Variants in AFDN observed in about 807,000 individuals in gnomAD.
AFDN encodes the protein afadin, adherens junction formation factor, also known as afadin.
In AFDN, 68 loss-of-function variants were observed where a neutral mutation model predicts 216.6. The observed-to-expected ratio is 0.31, with a 90% confidence interval of 0.26 to 0.38. AFDN has a LOEUF of 0.38. Among genes scored for constraint, AFDN ranks in the 10% least tolerant of loss-of-function variants. The probability of loss-of-function intolerance (pLI) is 1.00; values close to 1 mark genes in which losing one functional copy is unlikely to be tolerated. For synonymous variants in AFDN, 868 were observed against 853.7 expected (o/e 1.02, Z -0.29); for missense variants, 2,136 against 2,342.0 (o/e 0.91, Z 1.82).
chr6:167,919,426 G>T (rs2128487621), intron 21 of AFDN, among the ~76,000 whole-genome samples: 1 of 152,358 alleles, frequency 6.6e-6, no homozygotes, highest in Middle Eastern at 3.4e-3. Flanking sequence ...TTTCTTTTCA[G>T]TGAAATGGGC....
intron 1 of AFDN, among the ~76,000 whole-genome samples, chr6:167,855,378 A>G (rs955469982): frequency 6.6e-6 from 1 of 152,142 alleles, no homozygotes; most frequent in African/African-American, 2.4e-5. Context: ...TTTAAAAATT[A>G]TATATCAGAA....
intron 30 of AFDN, among the ~76,000 whole-genome samples, chr6:167,953,897 A>G (rs1796252351): frequency 6.6e-6 from 1 of 152,228 alleles, no homozygotes; most frequent in African/African-American, 2.4e-5. Flanking sequence ...TCAACTCTGA[A>G]TATACAACTG....
intron 11 of AFDN, among the ~76,000 whole-genome samples, chr6:167,899,043 A>C (rs1387526103): frequency 1.3e-5 from 2 of 152,148 alleles, no homozygotes. Flanking sequence ...TCTATTTTTC[A>C]TGCTGCTTAA....
intron 31 of AFDN, chr6:167,964,976 C>T (rs182035824): frequency 1.3e-3 from 1,401 of 1,052,202 alleles, no homozygotes; most frequent in Non-Finnish European, 1.5e-3. Context: ...AGATGTATGT[C>T]AGAAAAAAAT....
intron 1 of AFDN, among the ~76,000 whole-genome samples, chr6:167,842,266 A>G (rs554392019): frequency 1.3e-5 from 2 of 151,824 alleles, no homozygotes; most frequent in South Asian, 4.2e-4. Context: ...TTTTCTTGGT[A>G]ATGATACTAG....
Position 167,951,184 on chromosome 6 carries a change from A to G in AFDN, c.3832-2A>G. 6.6e-7 allele frequency: 1 copy of G among 1,524,468 alleles called. No homozygotes were observed. The highest frequency in any genetic ancestry group is 8.8e-7 in the Non-Finnish European group (1 of 1,137,568). The allele number at this position is 1,524,468 out of a possible 1,614,324, so 94.4% of individuals were successfully genotyped here. ...ATATAATAATTCTTTTTCTTTTTGC[A>G]GCGTGTTACACGTTCCCAAGAAGAA... On this transcript the variant is annotated splice_acceptor_variant, in intron 29 of 33. Transcript: ENST00000683244. LOFTEE classifies it high-confidence loss of function. The surrounding 1 kb of genome is among the most constrained non-coding windows in gnomAD (Gnocchi z 7.1).
At chr6:167,917,003 T>C (rs995973078) in intron 19 of AFDN, 86 bp from the exon 20 acceptor site, 62 of 1,237,284 alleles carry the variant, frequency 5.0e-5, no homozygotes, top group Non-Finnish European at 6.9e-5. Flanking sequence ...TAGCAAGTTA[T>C]ATTTTTATAA....
chr6:167,866,062 T>A (rs1005305093), intron 2 of AFDN, among the ~76,000 whole-genome samples: 7 of 152,200 alleles, frequency 4.6e-5, no homozygotes, highest in Non-Finnish European at 8.8e-5. Flanking sequence ...TTCCTTTACC[T>A]TAGAATTTTT....
intron 1 of AFDN, among the ~76,000 whole-genome samples, chr6:167,845,309 AAT>A (rs1781538488): frequency 6.6e-6 from 1 of 152,158 alleles, no homozygotes; most frequent in South Asian, 2.1e-4. Context: ...TGTGTTTATA[AAT>A]AGTTTTTCCT....
At chr6:167,835,476 G>A (rs1420276246) in intron 1 of AFDN, among the ~76,000 whole-genome samples, 1 of 152,188 alleles carries the variant, frequency 6.6e-6, no homozygotes, top group Non-Finnish European at 1.5e-5. Flanking sequence ...GCTGTGGTAT[G>A]CAGAAGGGCT....
chr6:167,946,647 A>G, intron 26 of AFDN, 60 bp from the exon 27 acceptor site: 1 of 1,415,080 alleles, frequency 7.1e-7, no homozygotes, highest in Non-Finnish European at 9.9e-7. Flanking sequence ...TGGAATTTTA[A>G]TGATAATCAG....
At position 167,902,396 on chromosome 6, in the gene AFDN, T is replaced by TA. The variant is rs1789098074; in HGVS notation, c.1650+11dup. 6.3e-7 allele frequency: 1 copy of TA among 1,593,344 alleles called. No homozygotes were observed. Among genetic ancestry groups the TA allele is most frequent in the South Asian group, 1.1e-5 (1 of 90,614 alleles). On this transcript the variant is annotated intron_variant, in intron 12 of 33. Transcript: ENST00000683244. Reference sequence around the variant, plus strand: ...ATTACCGACAAGCAAGGTAGGTAATTATGGATTACCTGATAGAAGTGTGCT... The same window carrying TA: ...ATTACCGACAAGCAAGGTAGGTAATTAATGGATTACCTGATAGAAGTGTGCT...
chr6:167,910,162 G>A (rs1187105256), intron 13 of AFDN, among the ~76,000 whole-genome samples: 1 of 152,196 alleles, frequency 6.6e-6, no homozygotes, highest in Non-Finnish European at 1.5e-5. Flanking sequence ...TAAAGAGTCT[G>A]TGCCTAGCAA....
intron 29 of AFDN, among the ~76,000 whole-genome samples, chr6:167,950,046 G>A (rs1010765835): frequency 6.6e-6 from 1 of 152,168 alleles, no homozygotes; most frequent in African/African-American, 2.4e-5. Context: ...GCGGCGGTAG[G>A]CACAGTCTCT....
intron 15 of AFDN, chr6:167,911,785 T>C (rs1362849988): frequency 2.5e-6 from 1 of 396,518 alleles, no homozygotes; most frequent in Non-Finnish European, 4.7e-6. Context: ...TGTAAATAAT[T>C]TGTTGAGATG....
rs111610002 is a variant in AFDN, at chr6:167,947,381, A to C, written c.3554-472A>C. Among the ~76,000 whole-genome samples the C allele has an allele frequency of 5.9e-5, 9 of 152,064 alleles. No homozygotes were observed. The East Asian group carries it at 1.2e-3, about 20-fold the overall frequency. ...TTTTTAGTAGAGACGGGGTTTCACCATGTTAGCCAGGATGGTCTCGATCTC... is the reference window on the plus strand; with the variant it reads ...TTTTTAGTAGAGACGGGGTTTCACCCTGTTAGCCAGGATGGTCTCGATCTC... On this transcript the variant is annotated intron_variant, in intron 27 of 33. Coordinates refer to ENST00000683244, the MANE Select transcript of AFDN (RefSeq NM_001386888.1).
intron 30 of AFDN, 90 bp downstream of exon 30, chr6:167,952,277 G>A (rs758118751): frequency 1.2e-5 from 19 of 1,598,092 alleles, no homozygotes; most frequent in East Asian, 1.1e-4. Context: ...GCCCCTGATC[G>A]TGATAAGGAT....
rs1562727122 is a variant in AFDN, at chr6:167,947,893, T to C, written c.3594T>C (p.Ser1198=). ...PSPGGKSAYA[S]GTTAKITSVS... ...CTGGAGGGAAAAGTGCATATGCCTC[T>C]GGAACAACAGCGAAGATAACATCTG... Residue 1198 remains serine, a synonymous_variant, in exon 28 of 34, where the codon TCT becomes TCC. Coordinates refer to ENST00000683244, the MANE Select transcript of AFDN (RefSeq NM_001386888.1). 6.2e-7 allele frequency: 1 copy of C among 1,614,058 alleles called. No individual in the cohort carries two copies.
intron 21 of AFDN, among the ~76,000 whole-genome samples, chr6:167,920,250 G>A (rs1791610489): frequency 6.6e-6 from 1 of 152,104 alleles, no homozygotes; most frequent in African/African-American, 2.4e-5. Context: ...GGGGAAGGAG[G>A]AGGGCTGGGT....
Sources: allele counts gnomAD v4.1 joint callset (sites outside exome capture counted in the v4.1 genomes callset), GRCh38; gene constraint gnomAD v4.1.1; non-coding constraint Gnocchi (gnomAD v3.1); transcripts MANE v1.5; gene names NCBI Gene and HGNC (gene_info 2026-07-23, HGNC 2026-07-21).